GAS2: variants seen among roughly 807,000 people sequenced by gnomAD.
GAS2 encodes the protein growth arrest-specific protein 2.
In GAS2, 20 loss-of-function variants were observed where a neutral mutation model predicts 37.5. The observed-to-expected ratio is 0.53, with a 90% confidence interval of 0.37 to 0.77. The LOEUF (loss-of-function observed/expected upper bound fraction) is 0.77, where lower values mean the gene tolerates loss of function less well. GAS2 is among the 30% of genes least tolerant of loss of function. GAS2 has a pLI of 0.00. For missense variants in GAS2, 336 were observed against 373.4 expected (o/e 0.90, Z 0.82); for synonymous variants, 144 against 132.2 (o/e 1.09, Z -0.61).
Position 22,732,806 on chromosome 11 carries a change from CAT to C in GAS2, c.410-4898_410-4897del, listed in dbSNP as rs542685283. Among the ~76,000 whole-genome samples, 919 of 151,426 alleles carry C rather than the reference CAT, an allele frequency of 6.1e-3. 9 individuals carry two copies. The highest frequency in any genetic ancestry group is 0.021 in the African/African-American group (874 of 41,408). On this transcript the variant is annotated intron_variant, in intron 4 of 7. Coordinates refer to ENST00000454584, the MANE Select transcript of GAS2 (RefSeq NM_001143830.3). ...TCATCATCATCATCATCATCATCAT[CAT>C]CATCACCACCACCATTGCTATCCTT... is the stretch of plus-strand genomic sequence containing the variant.
At chr11:22,740,107 G>C (rs967814672) in intron 5 of GAS2, among the ~76,000 whole-genome samples, 1 of 152,108 alleles carries the variant, frequency 6.6e-6, no homozygotes, top group Admixed American at 6.5e-5. Context: ...CTCCAGCTCC[G>C]AGTCTGGCAT....
intron 2 of GAS2, among the ~76,000 whole-genome samples, chr11:22,678,925 G>T (rs1237217149): frequency 6.6e-6 from 1 of 151,706 alleles, no homozygotes; most frequent in Non-Finnish European, 1.5e-5. Context: ...AAATTCCTAG[G>T]CATAGGATTA....
At chr11:22,652,623 G>A (rs984364762) in intron 1 of GAS2, among the ~76,000 whole-genome samples, 11 of 152,334 alleles carry the variant, frequency 7.2e-5, no homozygotes, top group African/African-American at 2.4e-4. Flanking sequence ...TAATCTCCCG[G>A]TGTGCTGTGT....
chr11:22,678,328 A>G (rs1849531187), intron 2 of GAS2, among the ~76,000 whole-genome samples: 1 of 152,148 alleles, frequency 6.6e-6, no homozygotes, highest in Non-Finnish European at 1.5e-5. Flanking sequence ...TAGTATTCAC[A>G]TACTTTGGAA....
intron 7 of GAS2, among the ~76,000 whole-genome samples, chr11:22,771,205 T>C (rs1174898113): frequency 6.6e-6 from 1 of 152,166 alleles, no homozygotes; most frequent in Non-Finnish European, 1.5e-5. Flanking sequence ...AGTAACCTAG[T>C]AATACAATAT....
intron 7 of GAS2, among the ~76,000 whole-genome samples, chr11:22,763,645 A>T (rs1288423260): frequency 6.6e-6 from 1 of 151,314 alleles, no homozygotes; most frequent in African/African-American, 2.4e-5. Context: ...ACACACACAC[A>T]CACACACACA....
At chr11:22,715,774 G>T (rs934444623) in intron 3 of GAS2, among the ~76,000 whole-genome samples, 1 of 152,000 alleles carries the variant, frequency 6.6e-6, no homozygotes, top group African/African-American at 2.4e-5. Flanking sequence ...GACATTCAAA[G>T]AAGAATTGGT....
In GAS2 at chr11:22,789,618, T is replaced by C. The variant is rs1404300984; in HGVS notation, c.724-22180T>C. Among the ~76,000 whole-genome samples, 20 of 148,554 alleles carry C rather than the reference T, an allele frequency of 1.3e-4. No individual in the cohort carries two copies. In the South Asian group the frequency reaches 2.1e-3, roughly 16 times the overall value. ...CTGGGACTACAGGCGCCCGCCACCATACCCGGCTAGTTTTTTTGTATTTTT... is the reference window on the plus strand; with the variant it reads ...CTGGGACTACAGGCGCCCGCCACCACACCCGGCTAGTTTTTTTGTATTTTT... On this transcript the variant is annotated intron_variant, in intron 7 of 7. Transcript: ENST00000454584.
intron 1 of GAS2, among the ~76,000 whole-genome samples, chr11:22,651,081 A>G (rs1232742048): frequency 1.3e-5 from 2 of 151,912 alleles, no homozygotes; most frequent in East Asian, 1.9e-4. Context: ...CATGTTTAGC[A>G]CTTCCTTCAG....
At chr11:22,627,245 A>G (rs1291842359) in intron 1 of GAS2, among the ~76,000 whole-genome samples, 2 of 152,390 alleles carry the variant, frequency 1.3e-5, no homozygotes, top group East Asian at 3.8e-4. Context: ...GCAAATGTAC[A>G]GGCATCACTA....
intron 7 of GAS2, among the ~76,000 whole-genome samples, chr11:22,797,928 A>G (rs1168424764): frequency 6.6e-6 from 1 of 152,080 alleles, no homozygotes; most frequent in Non-Finnish European, 1.5e-5. Context: ...GGCAATATGT[A>G]TCCCTAAAGA....
intron 4 of GAS2, among the ~76,000 whole-genome samples, chr11:22,729,892 G>A (rs1394336206): frequency 1.3e-5 from 2 of 151,616 alleles, no homozygotes; most frequent in Non-Finnish European, 2.9e-5. Context: ...TCTTTGGAAG[G>A]CAATTTTATA....
Position 22,704,858 on chromosome 11 carries a change from AT to A in GAS2, c.267+19070del, listed in dbSNP as rs143606936. Reference sequence around the variant, plus strand: ...GTAGAACTAAACCATATGTTGTTCTATGTTGTTATATTTGCTACATTTAAAA... The same window carrying A: ...GTAGAACTAAACCATATGTTGTTCTAGTTGTTATATTTGCTACATTTAAAA... On this transcript the variant is annotated intron_variant, in intron 3 of 7. Coordinates refer to ENST00000454584, the MANE Select transcript of GAS2 (RefSeq NM_001143830.3). Among the ~76,000 whole-genome samples, 194 of 151,840 alleles carry A rather than the reference AT, an allele frequency of 1.3e-3. No individual in the cohort carries two copies. The East Asian group carries it at 0.032, about 25-fold the overall frequency.
At chr11:22,715,106 A>T (rs986701095) in intron 3 of GAS2, among the ~76,000 whole-genome samples, 2 of 152,168 alleles carry the variant, frequency 1.3e-5, no homozygotes, top group Admixed American at 1.3e-4. Flanking sequence ...AACAAAATTG[A>T]TAGACTGTTA....
intron 3 of GAS2, among the ~76,000 whole-genome samples, chr11:22,722,848 A>G (rs1852012532): frequency 6.6e-6 from 1 of 152,030 alleles, no homozygotes; most frequent in South Asian, 2.1e-4. Flanking sequence ...AAAAGCTTTC[A>G]TGAGTAAACA....
At chr11:22,709,983 A>G (rs1482308357) in intron 3 of GAS2, among the ~76,000 whole-genome samples, 1 of 123,048 alleles carries the variant, frequency 8.1e-6, no homozygotes, top group Admixed American at 1.1e-4. Flanking sequence ...AGACACAGGA[A>G]GGGGAACATC....
rs1483871905 is a variant in GAS2, at chr11:22,789,345, CACAT to C, written c.724-22451_724-22448del. On this transcript the variant is annotated intron_variant, in intron 7 of 7. Coordinates refer to ENST00000454584, the MANE Select transcript of GAS2 (RefSeq NM_001143830.3). ...ACACACACACACAAACACACACACA[CACAT>C]AGGCATACATACACATATACACATA... 3.7e-5 allele frequency among the ~76,000 whole-genome samples: 5 copies of C among 134,814 alleles called. No individual in the cohort carries two copies. The Admixed American group carries it at 3.8e-4, about 10-fold the overall frequency. The allele number at this position is 134,814 out of a possible 152,430, so 88.4% of individuals were successfully genotyped here.
chr11:22,764,417 G>A (rs547615970), intron 7 of GAS2, among the ~76,000 whole-genome samples: 8 of 151,878 alleles, frequency 5.3e-5, no homozygotes, highest in East Asian at 1.9e-4. Flanking sequence ...AAAATTAGCC[G>A]AGCGTGGTGG....
chr11:22,789,429 T>C (rs879517855), intron 7 of GAS2, among the ~76,000 whole-genome samples: 2 of 86,812 alleles, frequency 2.3e-5, no homozygotes, highest in Non-Finnish European at 4.6e-5. Flanking sequence ...ATATGAGATA[T>C]ATATATATAT....
Sources: allele counts gnomAD v4.1 joint callset (sites outside exome capture counted in the v4.1 genomes callset), GRCh38; gene constraint gnomAD v4.1.1; transcripts MANE v1.5; gene names NCBI Gene and HGNC (gene_info 2026-07-23, HGNC 2026-07-21).